ZNF783: variants seen among roughly 807,000 people sequenced by gnomAD.
ZNF783 encodes the protein zinc finger protein 783.
A neutral mutation model predicts 31.3 loss-of-function variants in ZNF783; 25 were observed. The observed-to-expected ratio is 0.80, with a 90% CI of 0.58 to 1.11. The LOEUF is 1.11. Among genes scored for constraint, ZNF783 ranks in the 50% most tolerant of loss-of-function variants. The probability of loss-of-function intolerance (pLI) is 0.00; values close to 1 mark genes in which losing one functional copy is unlikely to be tolerated. For missense variants in ZNF783, 797 were observed against 760.0 expected (o/e 1.05, Z -0.57); for synonymous variants, 369 against 319.1 (o/e 1.16, Z -1.66).
intron 4 of ZNF783, chr7:149,277,277 G>A (rs1249577152): frequency 6.6e-6 from 1 of 152,214 alleles, no homozygotes; most frequent in East Asian, 1.9e-4. Flanking sequence ...TTTCTTGTCT[G>A]TTCCCTTCTG....
intron 4 of ZNF783, among the ~76,000 whole-genome samples, chr7:149,269,091 A>G (rs1253443705): frequency 6.6e-6 from 1 of 152,172 alleles, no homozygotes; most frequent in Non-Finnish European, 1.5e-5. Context: ...CATTTTCTCT[A>G]CAGCCTCACC....
At chr7:149,273,348 A>G (rs973959186) in intron 4 of ZNF783, among the ~76,000 whole-genome samples, 1 of 152,150 alleles carries the variant, frequency 6.6e-6, no homozygotes, top group Non-Finnish European at 1.5e-5. Flanking sequence ...TAGTGGTTGC[A>G]CTAATTTACA....
intron 4 of ZNF783, among the ~76,000 whole-genome samples, chr7:149,273,410 T>G (rs1286638630): frequency 6.6e-6 from 1 of 152,214 alleles, no homozygotes; most frequent in Non-Finnish European, 1.5e-5. Context: ...CTCGCCAGCA[T>G]GTGTTATTGC....
At chr7:149,273,255 G>A (rs1395437401) in intron 4 of ZNF783, among the ~76,000 whole-genome samples, 2 of 152,112 alleles carry the variant, frequency 1.3e-5, no homozygotes, top group Non-Finnish European at 2.9e-5. Flanking sequence ...CCTTTCTTTT[G>A]GGTATTACTT....
chr7:149,278,217 C>T, intron 4 of ZNF783, 182 bp from the exon 5 acceptor site: 1 of 1,402,606 alleles, frequency 7.1e-7, no homozygotes, highest in Non-Finnish European at 9.3e-7. Context: ...TTCTGTGGGA[C>T]ATGAGGCTTT....
At chr7:149,281,447 G>T in intron 5 of ZNF783, 58 bp from the exon 6 acceptor site, 2 of 1,396,852 alleles carry the variant, frequency 1.4e-6, no homozygotes, top group South Asian at 3.4e-5. Context: ...TGGGCCGAGT[G>T]ACCTGGGGGA....
rs773612154 is a variant in ZNF783 at position 149,266,442 on chromosome 7, G to T, written c.132G>T (p.Trp44Cys). The change falls in exon 2 of 6, where the codon TGG becomes TGT. Residue 44 changes from tryptophan to cysteine, a missense_variant. Physicochemically the swap from Trp to Cys is radical, Grantham distance 215 (BLOSUM62 -2). Coordinates refer to ENST00000434415, the MANE Select transcript of ZNF783 (RefSeq NM_001195220.2). ...SYLYSTEITL[W>C]TVVAAIQALE... Reference sequence around the variant, plus strand: ...TCTACTCCACGGAAATCACACTGTGGACGGTGGTGGCCGCCATTCAGGCCT... The same window carrying T: ...TCTACTCCACGGAAATCACACTGTGTACGGTGGTGGCCGCCATTCAGGCCT... 1.2e-6 allele frequency: 2 copies of T among 1,605,748 alleles called. No individual in the cohort carries two copies. The highest frequency in any genetic ancestry group is 1.7e-6 in the Non-Finnish European group (2 of 1,179,948).
chr7:149,264,323 A>G (rs1385441436), intron 1 of ZNF783, among the ~76,000 whole-genome samples: 1 of 152,188 alleles, frequency 6.6e-6, no homozygotes, highest in Non-Finnish European at 1.5e-5. Context: ...CTATGCTAGA[A>G]TCTTAAAAAC....
intron 4 of ZNF783, among the ~76,000 whole-genome samples, chr7:149,275,365 T>C (rs1585616248): frequency 6.6e-6 from 1 of 151,498 alleles, no homozygotes; most frequent in African/African-American, 2.4e-5. Context: ...TAGGCTGGAG[T>C]GCAGTGGCGC....
chr7:149,278,433 A>T lies in ZNF783; in HGVS notation c.708A>T (p.Pro236=), dbSNP rs1797384074. The part of the protein sequence containing the change: ...LPPYPEHLTS[P]LSPAQEELKE... ...CGTATCCAGAGCACCTCACCAGCCC[A>T]CTTAGCCCTGCCCAGGAGGAGCTGA... The change falls in exon 5 of 6, where the codon CCA becomes CCT. Residue 236 remains proline (P), a synonymous_variant. Transcript: ENST00000434415. 2 of 1,599,188 alleles carry T rather than the reference A, an allele frequency of 1.3e-6. No individual in the cohort carries two copies. Among genetic ancestry groups the T allele is most frequent in the South Asian group, 1.1e-5 (1 of 91,064 alleles).
At chr7:149,271,034 G>A (rs1390738479) in intron 4 of ZNF783, among the ~76,000 whole-genome samples, 1 of 152,176 alleles carries the variant, frequency 6.6e-6, no homozygotes, top group Non-Finnish European at 1.5e-5. Flanking sequence ...CACCTCCCGG[G>A]TTCATGCCAT....
In ZNF783 at chr7:149,278,383, G is replaced by A. The variant is rs1215060047; in HGVS notation, c.674-16G>A. ...CCTCCATGTTGTGCTCAATGTCACT[G>A]ATTTACATTCTCCAGGCCTCCCTCC... On this transcript the variant is annotated splice_polypyrimidine_tract_variant and intron_variant, in intron 4 of 5. Transcript: ENST00000434415. 1.3e-6 allele frequency: 2 copies of A among 1,598,798 alleles called. No homozygotes were observed. The highest frequency in any genetic ancestry group is 1.7e-5 in the Admixed American group (1 of 59,958).
At chr7:149,276,881 C>T (rs1414890642) in intron 4 of ZNF783, among the ~76,000 whole-genome samples, 2 of 151,702 alleles carry the variant, frequency 1.3e-5, no homozygotes, top group East Asian at 3.9e-4. Flanking sequence ...TGGAGTCTTG[C>T]TCTGTCGCCC....
In ZNF783 at chr7:149,266,646, G is replaced by T; in HGVS notation, c.336G>T (p.Arg112=). 6 of 1,614,166 alleles carry T rather than the reference G, an allele frequency of 3.7e-6. No homozygotes were observed. Among genetic ancestry groups the T allele is most frequent in the Non-Finnish European group, 5.1e-6 (6 of 1,180,040 alleles). ...AGGAGTACGGGCTGCTGCAGAGGCG[G>T]CTGGAGAATGTGGAGAACTTGCTGC... ...LLQEYGLLQR[R]LENVENLLRN... The change falls in exon 2 of 6, where the codon CGG becomes CGT. Residue 112 remains arginine, a synonymous_variant. Transcript: ENST00000434415.
intron 4 of ZNF783, chr7:149,278,065 G>A (rs1020015475): frequency 2.4e-5 from 19 of 806,086 alleles, no homozygotes; most frequent in African/African-American, 1.8e-4. Flanking sequence ...GCCCGACTGC[G>A]GGAGGTGGTG....
chr7:149,272,781 T>G (rs1797237744), intron 4 of ZNF783, among the ~76,000 whole-genome samples: 1 of 152,182 alleles, frequency 6.6e-6, no homozygotes, highest in Non-Finnish European at 1.5e-5. Context: ...AATGTACAAT[T>G]AAATTATTGT....
intron 4 of ZNF783, chr7:149,276,108 C>G (rs1797322484): frequency 6.5e-6 from 1 of 153,324 alleles, no homozygotes; most frequent in African/African-American, 2.4e-5. Context: ...CTATACTGGT[C>G]TCAAACTCCT....
intron 1 of ZNF783, among the ~76,000 whole-genome samples, chr7:149,264,599 G>A (rs1797017730): frequency 6.6e-6 from 1 of 152,204 alleles, no homozygotes; most frequent in African/African-American, 2.4e-5. Context: ...GGGAGCAGTG[G>A]CTCACTGACT....
intron 5 of ZNF783, among the ~76,000 whole-genome samples, chr7:149,280,088 G>A (rs1420538591): frequency 5.0e-5 from 5 of 99,442 alleles, no homozygotes; most frequent in South Asian, 3.8e-4. Context: ...GCGGCTGGCC[G>A]GGCGGGGGGC....
Sources: allele counts gnomAD v4.1 joint callset (sites outside exome capture counted in the v4.1 genomes callset), GRCh38; gene constraint gnomAD v4.1.1; transcripts MANE v1.5; gene names NCBI Gene and HGNC (gene_info 2026-07-23, HGNC 2026-07-21).